HDAC9: variants seen among roughly 807,000 people sequenced by gnomAD.
HDAC9 encodes histone deacetylase 9.
In HDAC9, 41 loss-of-function variants were observed where a neutral mutation model predicts 139.4. That is an observed-to-expected ratio of 0.29 (90% CI 0.23 to 0.38). HDAC9 has a LOEUF of 0.38. Ranked by LOEUF, HDAC9 falls within the 10% of genes least tolerant of loss-of-function variation. The probability of loss-of-function intolerance (pLI) is 1.00; values close to 1 mark genes in which losing one functional copy is unlikely to be tolerated. For synonymous variants in HDAC9, 517 were observed against 476.2 expected, an observed-to-expected ratio of 1.09 and a Z score of -1.12; for missense variants, 1,147 against 1,297.0, an observed-to-expected ratio of 0.88 and a Z score of 1.78.
intron 1 of HDAC9, among the ~76,000 whole-genome samples, chr7:18,339,637 C>A (rs1585249862): frequency 6.6e-6 from 1 of 151,302 alleles, no homozygotes; most frequent in East Asian, 1.9e-4. Flanking sequence ...TTTTTTAATT[C>A]TTTTATCTGT....
intron 2 of HDAC9, among the ~76,000 whole-genome samples, chr7:18,211,255 G>A (rs892670183): frequency 3.9e-5 from 6 of 152,152 alleles, no homozygotes; most frequent in Non-Finnish European, 5.9e-5. Flanking sequence ...GCTCATCATA[G>A]AAGCCCACTT....
At chr7:18,637,562 A>G (rs1308348580) in intron 8 of HDAC9, among the ~76,000 whole-genome samples, 1 of 152,104 alleles carries the variant, frequency 6.6e-6, no homozygotes, top group Non-Finnish European at 1.5e-5. Context: ...AATGGAGTTT[A>G]AAAGGGTAGA....
intron 13 of HDAC9, among the ~76,000 whole-genome samples, chr7:18,740,493 T>A (rs1429230018): frequency 6.6e-6 from 1 of 152,204 alleles, no homozygotes; most frequent in African/African-American, 2.4e-5. Context: ...ACTTGGTAGA[T>A]AAATATTGTG....
chr7:18,262,092 G>T (rs1297837741), intron 2 of HDAC9, among the ~76,000 whole-genome samples: 2 of 152,144 alleles, frequency 1.3e-5, no homozygotes. Flanking sequence ...AAAACTGTCG[G>T]TTCCCTTATT....
chr7:18,844,731 G>A (rs1425577578), intron 21 of HDAC9, among the ~76,000 whole-genome samples: 2 of 152,108 alleles, frequency 1.3e-5, no homozygotes, highest in Non-Finnish European at 2.9e-5. Flanking sequence ...GAATAGAAGA[G>A]GCACAGATTT....
At position 18,724,250 on chromosome 7, in the gene HDAC9, C is replaced by T. The variant is rs568877052; in HGVS notation, c.1732-3330C>T. 5.9e-4 allele frequency among the ~76,000 whole-genome samples: 90 copies of T among 152,104 alleles called. 1 individual carries two copies. Among genetic ancestry groups the T allele is most frequent in the Admixed American group, 1.1e-3 (17 of 15,258 alleles). Reference sequence around the variant, plus strand: ...CTGTATTTATAATTACATTGTTGTACGAACATCATAGAGTATACCTACACA... The same window carrying T: ...CTGTATTTATAATTACATTGTTGTATGAACATCATAGAGTATACCTACACA... On this transcript the variant is annotated intron_variant, in intron 12 of 25. Coordinates refer to ENST00000686413, the MANE Select transcript of HDAC9 (RefSeq NM_178425.4).
At position 18,372,069 on chromosome 7, in the gene HDAC9, A is replaced by G. The variant is rs143138910; in HGVS notation, c.-42+81554A>G. Among the ~76,000 whole-genome samples the G allele has an allele frequency of 5.2e-3, 789 of 152,356 alleles. 9 individuals carry two copies. Among genetic ancestry groups the G allele is most frequent in the African/African-American group, 0.018 (756 of 41,582 alleles). ...CTTTCTTACTACAAATGAAGCATTC[A>G]TGGAAGCTGAATGAGCTCAGCTAAC... On this transcript the variant is annotated intron_variant, in intron 1 of 3. Transcript: ENST00000413509.
intron 1 of HDAC9, among the ~76,000 whole-genome samples, chr7:18,352,976 G>C (rs1167060703): frequency 6.6e-6 from 1 of 152,042 alleles, no homozygotes; most frequent in Non-Finnish European, 1.5e-5. Flanking sequence ...AAAATATTTT[G>C]AGAAATGCTT....
At chr7:18,721,822 A>G (rs767473964) in intron 12 of HDAC9, among the ~76,000 whole-genome samples, 2 of 152,322 alleles carry the variant, frequency 1.3e-5, no homozygotes, top group East Asian at 3.9e-4. Flanking sequence ...GGACCTTAGC[A>G]CTTCGTAGTC....
intron 21 of HDAC9, among the ~76,000 whole-genome samples, chr7:18,840,964 CT>C (rs1262027790): frequency 2.0e-5 from 3 of 151,964 alleles, no homozygotes; most frequent in Non-Finnish European, 4.4e-5. Flanking sequence ...GAAATAAAAC[CT>C]TTTATTGTCA....
At chr7:18,236,666 C>G (rs1257110561) in intron 2 of HDAC9, among the ~76,000 whole-genome samples, 1 of 152,142 alleles carries the variant, frequency 6.6e-6, no homozygotes, top group East Asian at 1.9e-4. Context: ...ATGAAGTGAA[C>G]AGACAGACCT....
intron 22 of HDAC9, among the ~76,000 whole-genome samples, chr7:18,907,698 T>C (rs544544516): frequency 6.6e-6 from 1 of 152,182 alleles, no homozygotes; most frequent in Non-Finnish European, 1.5e-5. Context: ...CAGATAATTC[T>C]GGAAAGAAAA....
intron 2 of HDAC9, among the ~76,000 whole-genome samples, chr7:18,274,714 T>C (rs895673798): frequency 2.0e-5 from 3 of 152,208 alleles, no homozygotes; most frequent in Non-Finnish European, 1.5e-5. Flanking sequence ...GATTGACATA[T>C]TGTCATGGAC....
At chr7:18,351,927 G>GACA (rs780433952) in intron 1 of HDAC9, among the ~76,000 whole-genome samples, 11 of 152,116 alleles carry the variant, frequency 7.2e-5, no homozygotes, top group Non-Finnish European at 1.2e-4. Flanking sequence ...TGTGGAAAGT[G>GACA]ACAATATACA....
chr7:18,615,968 G>A (rs1838467227), intron 6 of HDAC9, among the ~76,000 whole-genome samples: 1 of 152,072 alleles, frequency 6.6e-6, no homozygotes, highest in Non-Finnish European at 1.5e-5. Context: ...GTTCTTTTCT[G>A]GGGACTCTGG....
At chr7:18,599,857 C>G (rs916970596) in intron 6 of HDAC9, among the ~76,000 whole-genome samples, 4 of 152,080 alleles carry the variant, frequency 2.6e-5, no homozygotes, top group Non-Finnish European at 5.9e-5. Context: ...AAAAGAACAA[C>G]AAACAACAAA....
intron 1 of HDAC9, among the ~76,000 whole-genome samples, chr7:18,422,093 A>G (rs529038755): frequency 2.6e-4 from 39 of 152,308 alleles, no homozygotes; most frequent in Non-Finnish European, 5.3e-4. Flanking sequence ...GATGATATAA[A>G]GAGGACATAT....
chr7:18,661,446 A>C (rs1388093397), intron 11 of HDAC9, among the ~76,000 whole-genome samples: 1 of 152,128 alleles, frequency 6.6e-6, no homozygotes, highest in African/African-American at 2.4e-5. Flanking sequence ...AATTGCTCCT[A>C]TTAATCCAGT....
At chr7:18,384,274 C>T (rs1785709819) in intron 1 of HDAC9, among the ~76,000 whole-genome samples, 1 of 151,682 alleles carries the variant, frequency 6.6e-6, no homozygotes, top group African/African-American at 2.4e-5. Context: ...TGCCGCTGCA[C>T]TTCAACCTGA....
Sources: gnomAD v4.1 joint callset for allele counts (sites outside exome capture counted in the v4.1 genomes callset) on GRCh38, gnomAD v4.1.1 for gene constraint, MANE v1.5 for transcripts, NCBI Gene and HGNC (gene_info 2026-07-23, HGNC 2026-07-21) for gene names.